The following SH3D19 variants were observed in gnomAD, a reference collection of about 807,000 sequenced individuals.
The protein encoded by SH3D19 is SH3 domain-containing protein 19.
In SH3D19, 58 loss-of-function variants were observed where a neutral mutation model predicts 112.1. The ratio of observed to expected loss-of-function variants is 0.52; its 90% confidence interval spans 0.42 to 0.64. The LOEUF is 0.64. SH3D19 is among the 30% of genes least tolerant of loss of function. The pLI, the probability that SH3D19 is intolerant of heterozygous loss-of-function variation, is 0.00. For missense variants in SH3D19, 1,090 were observed against 1,263.4 expected (o/e 0.86, Z 2.08); for synonymous variants, 391 against 448.5 (o/e 0.87, Z 1.62).
chr4:151,262,453 G>A (rs1772448947), intron 1 of SH3D19: 1 of 152,242 alleles, frequency 6.6e-6, no homozygotes, highest in Non-Finnish European at 1.5e-5. Context: ...TCTGCTCCAA[G>A]CTCCCAGTGG....
Position 151,282,303 on chromosome 4 carries a change from T to C in SH3D19, c.112+42938A>G, listed in dbSNP as rs1255842026. Reference sequence around the variant, plus strand: ...GCCTTGTTGAAACTGTCCTCTCAAGTCACCTTCACTTCTGCCATCCTGCCT... The same window carrying C: ...GCCTTGTTGAAACTGTCCTCTCAAGCCACCTTCACTTCTGCCATCCTGCCT... On this transcript the variant is annotated intron_variant, in intron 1 of 19. Coordinates refer to ENST00000604030, the MANE Select transcript of SH3D19 (RefSeq NM_001378122.1). The C allele has an allele frequency of 3.7e-6, 6 of 1,613,804 alleles. No homozygotes were observed. In the African/African-American group the frequency reaches 4.0e-5, roughly 11 times the overall value.
chr4:151,156,530 G>A (rs1756133925), intron 9 of SH3D19, among the ~76,000 whole-genome samples: 1 of 152,182 alleles, frequency 6.6e-6, no homozygotes, highest in Non-Finnish European at 1.5e-5. Context: ...CATATCTACA[G>A]CCAATCGATT....
At chr4:151,311,499 G>A (rs1039043461) in intron 1 of SH3D19, among the ~76,000 whole-genome samples, 1 of 152,136 alleles carries the variant, frequency 6.6e-6, no homozygotes, top group Non-Finnish European at 1.5e-5. Context: ...GACTAATACT[G>A]TGTGATCTCA....
chr4:151,175,026 C>T lies in SH3D19; in HGVS notation c.1178G>A (p.Arg393Gln), dbSNP rs888836773. 1.5e-5 allele frequency: 25 copies of T among 1,614,056 alleles called. No individual in the cohort carries two copies. Among genetic ancestry groups the T allele is most frequent in the East Asian group, 6.7e-5 (3 of 44,898 alleles). The part of the protein sequence containing the change: ...LPKKPNPGLI[R>Q]SVNPEIPGRG... ...TCCCGGAATCTCAGGATTAACACTT[C>T]GTATAAGGCCAGGGTTTGGTTTCTT... The change falls in exon 7 of 20, where the codon CGA (arginine) becomes CAA (glutamine). Residue 393 changes from arginine (R) to glutamine (Q), a missense_variant. Transcript: ENST00000604030.
At chr4:151,228,079 T>C (rs1769272901) in intron 1 of SH3D19, 2 of 976,040 alleles carry the variant, frequency 2.0e-6, no homozygotes, top group South Asian at 9.5e-5. Context: ...TACAGTCATT[T>C]TTATACTTTC....
intron 1 of SH3D19, among the ~76,000 whole-genome samples, chr4:151,282,885 T>C (rs1297144495): frequency 1.3e-5 from 2 of 152,192 alleles, no homozygotes; most frequent in African/African-American, 2.4e-5. Flanking sequence ...GTACTCATTA[T>C]TTAGAACAAT....
chr4:151,141,882 G>A (rs1415883987), intron 12 of SH3D19, among the ~76,000 whole-genome samples: 1 of 152,150 alleles, frequency 6.6e-6, no homozygotes, highest in Non-Finnish European at 1.5e-5. Flanking sequence ...CTTGGAGGGA[G>A]GGGATAATTT....
intron 1 of SH3D19, among the ~76,000 whole-genome samples, chr4:151,275,775 C>G (rs1370633856): frequency 6.6e-6 from 1 of 152,122 alleles, no homozygotes; most frequent in Non-Finnish European, 1.5e-5. Context: ...CCCCGTTCAG[C>G]CTTTCAAAGT....
intron 7 of SH3D19, among the ~76,000 whole-genome samples, chr4:151,167,234 A>G (rs906185477): frequency 3.9e-5 from 6 of 152,040 alleles, no homozygotes; most frequent in South Asian, 2.1e-4. Flanking sequence ...TATGTCACCC[A>G]TAAAACAAAG....
intron 1 of SH3D19, among the ~76,000 whole-genome samples, chr4:151,273,367 G>A (rs563463050): frequency 2.6e-4 from 40 of 151,992 alleles, no homozygotes; most frequent in Middle Eastern, 3.4e-3. Flanking sequence ...GAGGCGGGTG[G>A]ATCACGAGGT....
intron 1 of SH3D19, among the ~76,000 whole-genome samples, chr4:151,269,150 G>T (rs1183016353): frequency 6.6e-6 from 1 of 152,200 alleles, no homozygotes; most frequent in Admixed American, 6.5e-5. Flanking sequence ...ATGTGAGATG[G>T]TATCTCATTG....
chr4:151,172,516 G>T (rs1329144439), intron 7 of SH3D19, among the ~76,000 whole-genome samples: 1 of 152,156 alleles, frequency 6.6e-6, no homozygotes, highest in African/African-American at 2.4e-5. Flanking sequence ...TATTTGGAAG[G>T]TAAAACCAGC....
intron 2 of SH3D19, among the ~76,000 whole-genome samples, chr4:151,214,116 T>C (rs1766478706): frequency 6.6e-6 from 1 of 151,090 alleles, no homozygotes; most frequent in East Asian, 2.0e-4. Flanking sequence ...AAGCACATCT[T>C]GCACCGCCCT....
rs911709055 is a variant in SH3D19 at position 151,277,045 on chromosome 4, A to C, written c.112+48196T>G. The C allele has an allele frequency of 6.7e-6, 4 of 600,456 alleles. No individual in the cohort carries two copies. The South Asian group carries it at 2.9e-4, about 44-fold the overall frequency. 37.2% of individuals were successfully genotyped at this position (600,456 alleles called of 1,614,324 possible). ...GGATCTGGCAGCGGGTGAAGACCAA[A>C]GGAGAGGAGGGGGTGAAGCAGAGGA... On this transcript the variant is annotated intron_variant, in intron 1 of 19. Coordinates refer to ENST00000604030, the MANE Select transcript of SH3D19 (RefSeq NM_001378122.1).
chr4:151,200,059 T>C (rs1411174286), intron 2 of SH3D19, among the ~76,000 whole-genome samples: 1 of 152,164 alleles, frequency 6.6e-6, no homozygotes, highest in Non-Finnish European at 1.5e-5. Flanking sequence ...AAGAAGATAC[T>C]GTCTATGAAC....
At chr4:151,143,095 G>A (rs1187513550) in intron 12 of SH3D19, among the ~76,000 whole-genome samples, 1 of 152,064 alleles carries the variant, frequency 6.6e-6, no homozygotes, top group Non-Finnish European at 1.5e-5. Flanking sequence ...AAAATTGCCA[G>A]GCATGGTGGT....
chr4:151,227,149 C>T (rs111693968), intron 1 of SH3D19, among the ~76,000 whole-genome samples: 15 of 152,058 alleles, frequency 9.9e-5, no homozygotes, highest in African/African-American at 2.4e-4. Flanking sequence ...TTAATGGCAA[C>T]GTAAAGATTA....
chr4:151,255,578 G>A (rs1230712357), intron 1 of SH3D19, among the ~76,000 whole-genome samples: 1 of 127,212 alleles, frequency 7.9e-6, no homozygotes, highest in African/African-American at 2.6e-5. Flanking sequence ...TCACATCCCA[G>A]ACGATGGGCG....
chr4:151,320,813 G>A (rs1324334202), intron 1 of SH3D19, among the ~76,000 whole-genome samples: 1 of 152,202 alleles, frequency 6.6e-6, no homozygotes, highest in Non-Finnish European at 1.5e-5. Flanking sequence ...GCCAAGGCAG[G>A]CGGGTCACCT....
Sources: allele counts gnomAD v4.1 joint callset (sites outside exome capture counted in the v4.1 genomes callset), GRCh38; gene constraint gnomAD v4.1.1; transcripts MANE v1.5; gene names NCBI Gene and HGNC (gene_info 2026-07-23, HGNC 2026-07-21).